BEGAIN: variants seen among roughly 807,000 people sequenced by gnomAD.
The protein encoded by BEGAIN is brain-enriched guanylate kinase-associated protein.
BEGAIN carries 19 observed loss-of-function variants against 35.8 expected under a neutral mutation model. The ratio of observed to expected loss-of-function variants is 0.53; its 90% confidence interval spans 0.37 to 0.78. The LOEUF is 0.78. Ranked by LOEUF, BEGAIN falls within the 30% of genes least tolerant of loss-of-function variation. The probability of loss-of-function intolerance (pLI) is 0.00; values close to 1 mark genes in which losing one functional copy is unlikely to be tolerated. For missense variants in BEGAIN, 795 were observed against 853.6 expected (o/e 0.93, Z 0.85); for synonymous variants, 462 against 388.6 (o/e 1.19, Z -2.22).
At chr14:100,577,830 G>A (rs1408753121) in intron 1 of BEGAIN, 1 of 399,380 alleles carries the variant, frequency 2.5e-6, no homozygotes, top group Non-Finnish European at 4.4e-6. Flanking sequence ...GGCTTCGAAG[G>A]TCCTGTCTGT....
Position 100,568,608 on chromosome 14 carries a change from C to A in BEGAIN, c.43-669G>T. The A allele has an allele frequency of 5.9e-6, 6 of 1,010,584 alleles. No homozygotes were observed. The highest frequency in any genetic ancestry group is 7.8e-6 in the Non-Finnish European group (6 of 767,974). 62.6% of individuals were successfully genotyped at this position (1,010,584 alleles called of 1,614,324 possible). On this transcript the variant is annotated intron_variant, in intron 1 of 6. Transcript: ENST00000554140. The surrounding 1 kb of genome is among the most constrained non-coding windows in gnomAD (Gnocchi z 7.5). ...GCTCCCTGCCTTGCTTGCGCAGACC[C>A]GCCCGCGCGCGGCTTGGAGACCCTC...
chr14:100,557,267 A>G (rs2033832789), intron 2 of BEGAIN, among the ~76,000 whole-genome samples: 1 of 152,278 alleles, frequency 6.6e-6, no homozygotes, highest in African/African-American at 2.4e-5. Flanking sequence ...TCCAGAGCCC[A>G]GGACTGGAAG....
At chr14:100,554,010 C>T (rs945041884) in intron 2 of BEGAIN, among the ~76,000 whole-genome samples, 1 of 152,238 alleles carries the variant, frequency 6.6e-6, no homozygotes, top group Non-Finnish European at 1.5e-5. Flanking sequence ...CCTCTGTCAT[C>T]CTGCTGTCCT....
Position 100,568,016 on chromosome 14 carries a change from G to T in BEGAIN, c.43-77C>A. 1 of 1,270,114 alleles carries T rather than the reference G, an allele frequency of 7.9e-7. No individual in the cohort carries two copies. Among genetic ancestry groups the T allele is most frequent in the South Asian group, 2.0e-5 (1 of 49,828 alleles). 78.7% of individuals were successfully genotyped at this position (1,270,114 alleles called of 1,614,324 possible). A position where few individuals can be genotyped will look rare whatever the true frequency, so the allele number is the denominator to read the frequency against. ...GCCGCGCCGGGCAGAGCCGGGCACA[G>T]CGGGCACGGCCGGGCAACCCCGCGG... On this transcript the variant is annotated intron_variant, in intron 1 of 6. Coordinates refer to ENST00000554140, the MANE Select transcript of BEGAIN (RefSeq NM_001385089.1). This position sits in a 1 kb window ranked among gnomAD's most constrained non-coding sequence, Gnocchi z 7.5.
At chr14:100,576,654 C>T (rs2035210310) in intron 1 of BEGAIN, among the ~76,000 whole-genome samples, 1 of 152,164 alleles carries the variant, frequency 6.6e-6, no homozygotes, top group South Asian at 2.1e-4. Context: ...CCTCCCTGGC[C>T]CAGGGGACAC....
intron 6 of BEGAIN, among the ~76,000 whole-genome samples, chr14:100,539,952 G>C (rs1391511396): frequency 6.6e-6 from 1 of 152,192 alleles, no homozygotes; most frequent in Non-Finnish European, 1.5e-5. Context: ...TTGCATGTGA[G>C]GGGAGGGTCG....
rs1255906043 is a variant in BEGAIN, at chr14:100,574,128, T to C, written c.43-6189A>G. ...GGCCTCGCTGGTGCTGGGCACGTGG[T>C]GGGGTTCCCCAGAGCCTCCGCTGCA... On this transcript the variant is annotated intron_variant, in intron 1 of 6. Transcript: ENST00000554140. Among the ~76,000 whole-genome samples, 3 of 152,166 alleles carry C rather than the reference T, an allele frequency of 2.0e-5. No individual in the cohort carries two copies. In the East Asian group the frequency reaches 5.8e-4, roughly 29 times the overall value.
At chr14:100,551,154 G>A (rs966247747) in intron 2 of BEGAIN, among the ~76,000 whole-genome samples, 11 of 152,166 alleles carry the variant, frequency 7.2e-5, no homozygotes, top group Non-Finnish European at 1.2e-4. Flanking sequence ...ACCCTGCCCC[G>A]GGGCCCCTGC....
chr14:100,559,120 G>C (rs1299585965), intron 2 of BEGAIN, among the ~76,000 whole-genome samples: 1 of 152,172 alleles, frequency 6.6e-6, no homozygotes, highest in African/African-American at 2.4e-5. Context: ...GCTTGGGCTT[G>C]GGGCCGTCCC....
At chr14:100,559,652 C>T (rs900323322) in intron 2 of BEGAIN, among the ~76,000 whole-genome samples, 2 of 152,222 alleles carry the variant, frequency 1.3e-5, no homozygotes, top group African/African-American at 4.8e-5. Context: ...AGCAGGAGGC[C>T]TGTTTTCTGG....
intron 5 of BEGAIN, among the ~76,000 whole-genome samples, chr14:100,542,476 A>G (rs1595108884): frequency 6.6e-6 from 1 of 152,194 alleles, no homozygotes; most frequent in African/African-American, 2.4e-5. Flanking sequence ...GCTCAACTCC[A>G]GACCCGGGCC....
intron 1 of BEGAIN, among the ~76,000 whole-genome samples, chr14:100,583,709 T>TTTTTTTTTTTTTTG (rs2035373749): frequency 7.8e-6 from 1 of 128,346 alleles, no homozygotes; most frequent in Non-Finnish European, 1.7e-5. Flanking sequence ...TTTTTTTTTT[T>TTTTTTTTTTTTTTG]GATGGAGTCT....
At position 100,573,455 on chromosome 14, in the gene BEGAIN, G is replaced by T. The variant is rs2035134140; in HGVS notation, c.43-5516C>A. Among the ~76,000 whole-genome samples the T allele has an allele frequency of 6.6e-6, 1 of 152,104 alleles. No homozygotes were observed. Among genetic ancestry groups the T allele is most frequent in the African/African-American group, 2.4e-5 (1 of 41,416 alleles). Reference sequence around the variant, plus strand: ...CACCCTCATCAGGACCTTGGCTTCTGCCATGAGGTGGATGGGAGCCCCTGG... The same window carrying T: ...CACCCTCATCAGGACCTTGGCTTCTTCCATGAGGTGGATGGGAGCCCCTGG... On this transcript the variant is annotated intron_variant, in intron 1 of 6. Coordinates refer to ENST00000554140, the MANE Select transcript of BEGAIN (RefSeq NM_001385089.1). This position sits in a 1 kb window ranked among gnomAD's most constrained non-coding sequence, Gnocchi z 4.2.
intron 1 of BEGAIN, among the ~76,000 whole-genome samples, chr14:100,581,622 T>C (rs1222046998): frequency 6.6e-6 from 1 of 152,202 alleles, no homozygotes; most frequent in Non-Finnish European, 1.5e-5. Context: ...TATTTTCTGC[T>C]AAAAGAAGCA....
intron 2 of BEGAIN, among the ~76,000 whole-genome samples, chr14:100,555,462 C>G (rs968292672): frequency 6.6e-6 from 1 of 152,254 alleles, no homozygotes; most frequent in Admixed American, 6.5e-5. Flanking sequence ...CCACTTCCAA[C>G]AGAAGGTGGG....
intron 2 of BEGAIN, among the ~76,000 whole-genome samples, chr14:100,551,972 G>A (rs576710382): frequency 2.0e-5 from 3 of 152,304 alleles, no homozygotes; most frequent in Admixed American, 6.5e-5. Flanking sequence ...GCTGCTGAGC[G>A]AACAGAAAAC....
At position 100,538,354 on chromosome 14, in the gene BEGAIN, G is replaced by A. The variant is rs752187386; in HGVS notation, c.1454C>T (p.Pro485Leu). 6 of 1,514,178 alleles carry A rather than the reference G, an allele frequency of 4.0e-6. No individual in the cohort carries two copies. The Admixed American group carries it at 8.7e-5, about 22-fold the overall frequency. The allele number at this position is 1,514,178 out of a possible 1,614,324, so 93.8% of individuals were successfully genotyped here. The change falls in exon 7 of 7, where the codon CCG (proline) becomes CTG (leucine). Residue 485 changes from proline to leucine, a missense_variant. Physicochemically the swap from Pro to Leu is moderately conservative, Grantham distance 98 (BLOSUM62 -3). This residue lies in a region of BEGAIN where 664 missense variants were observed against 647.7 expected (regional missense o/e 1.03). Transcript: ENST00000554140. ...PGKKADGRAS[P>L]LYASYKADSF... The stretch of plus-strand genomic sequence containing the variant: ...GTCGGCCTTGTAGCTGGCGTAGAGC[G>A]GGCTGGCGCGGCCGTCGGCCTTCTT...
chr14:100,581,955 C>T (rs2035325925), intron 1 of BEGAIN, among the ~76,000 whole-genome samples: 1 of 152,224 alleles, frequency 6.6e-6, no homozygotes, highest in African/African-American at 2.4e-5. Flanking sequence ...TTCATTCTTA[C>T]AGCAGGCCTG....
In BEGAIN at chr14:100,546,613, T is replaced by G; in HGVS notation, c.121A>C (p.Thr41Pro). ...GELRKRLSYT[T>P]HKLEKLETEF... ...GTCTCGAGCTTCTCGAGCTTGTGTG[T>G]GGTGTAGGACAGCCGCTTGCGCAGC... The change falls in exon 3 of 7, where the codon ACA becomes CCA. Residue 41 changes from threonine (T) to proline (P), a missense_variant. Around this residue, in one of 3 missense-constraint regions of BEGAIN, gnomAD observed 58 missense variants for 62.7 expected, o/e 0.92. Coordinates refer to ENST00000554140, the MANE Select transcript of BEGAIN (RefSeq NM_001385089.1). The G allele has an allele frequency of 6.3e-7, 1 of 1,591,700 alleles. No homozygotes were observed. The highest frequency in any genetic ancestry group is 1.1e-5 in the South Asian group (1 of 88,874).
Sources: allele counts gnomAD v4.1 joint callset (sites outside exome capture counted in the v4.1 genomes callset), GRCh38; gene constraint gnomAD v4.1.1; regional missense constraint gnomAD v4.1.1; non-coding constraint Gnocchi (gnomAD v3.1); transcripts MANE v1.5; gene names NCBI Gene and HGNC (gene_info 2026-07-23, HGNC 2026-07-21).